The following MED13 variants were observed in gnomAD, a reference collection of about 807,000 sequenced individuals.
The protein encoded by MED13 is mediator complex subunit 13.
MED13 carries 23 observed loss-of-function variants against 225.2 expected under a neutral mutation model. The ratio of observed to expected loss-of-function variants is 0.10; its 90% confidence interval spans 0.07 to 0.14. The LOEUF is 0.14. Ranked by LOEUF, MED13 falls within the 10% of genes least tolerant of loss-of-function variation. The pLI, the probability that MED13 is intolerant of heterozygous loss-of-function variation, is 1.00. For missense variants in MED13, 2,197 were observed against 2,594.5 expected (o/e 0.85, Z 3.33); for synonymous variants, 942 against 889.2 (o/e 1.06, Z -1.06).
intron 11 of MED13, among the ~76,000 whole-genome samples, chr17:61,992,097 A>T (rs1033944249): frequency 1.1e-4 from 16 of 152,218 alleles, no homozygotes; most frequent in African/African-American, 3.9e-4. Context: ...ACTGTCAACC[A>T]ACTGGACATC....
intron 27 of MED13, among the ~76,000 whole-genome samples, chr17:61,951,283 A>G (rs2079894236): frequency 6.6e-6 from 1 of 152,208 alleles, no homozygotes; most frequent in Non-Finnish European, 1.5e-5. Flanking sequence ...ACAGATGAGT[A>G]AAAAATACAA....
chr17:62,037,454 C>T (rs1290120943), intron 3 of MED13, among the ~76,000 whole-genome samples: 1 of 151,712 alleles, frequency 6.6e-6, no homozygotes, highest in Non-Finnish European at 1.5e-5. Context: ...CACCTGAGGT[C>T]AGGAGTTTGA....
intron 8 of MED13, among the ~76,000 whole-genome samples, chr17:62,024,529 A>T (rs2080680768): frequency 6.6e-6 from 1 of 152,022 alleles, no homozygotes; most frequent in Non-Finnish European, 1.5e-5. Context: ...AGAAAATCCT[A>T]ATTTATTTTT....
In MED13 at chr17:61,943,086, A is replaced by G. The variant is rs1027086460; in HGVS notation, c.*3382T>C. On this transcript the variant is annotated 3_prime_UTR_variant, in exon 30 of 30. Transcript: ENST00000397786. ...AAATTTAAACCACAGTTCTGGGCCCATTAAAACACCAAAAAAGACCCCCCA... is the reference window on the plus strand; with the variant it reads ...AAATTTAAACCACAGTTCTGGGCCCGTTAAAACACCAAAAAAGACCCCCCA... The G allele has an allele frequency of 3.9e-5, 6 of 152,550 alleles. No individual in the cohort carries two copies. The highest frequency in any genetic ancestry group is 1.4e-4 in the African/African-American group (6 of 41,470). 9.4% of individuals were successfully genotyped at this position (152,550 alleles called of 1,614,324 possible). A position where few individuals can be genotyped will look rare whatever the true frequency, so the allele number is the denominator to read the frequency against.
intron 2 of MED13, among the ~76,000 whole-genome samples, chr17:62,059,720 G>T (rs2081023079): frequency 6.6e-6 from 1 of 152,172 alleles, no homozygotes; most frequent in Non-Finnish European, 1.5e-5. Context: ...CCCCAAGAGG[G>T]AGGTAGACGC....
intron 16 of MED13, among the ~76,000 whole-genome samples, 185 bp from the exon 17 acceptor site, chr17:61,973,073 T>G (rs72843772): frequency 0.067 from 10,246 of 152,302 alleles, 595 homozygotes; most frequent in South Asian, 0.31. Context: ...TTCTTCTAGA[T>G]TCTTACAACC....
chr17:62,033,477 C>G (rs1438804114), intron 5 of MED13, among the ~76,000 whole-genome samples: 2 of 152,214 alleles, frequency 1.3e-5, no homozygotes, highest in Non-Finnish European at 2.9e-5. Context: ...ATGTAACATA[C>G]ACCATATCCC....
rs201205350 is a variant in MED13 at position 61,982,659 on chromosome 17, G to A, written c.3344C>T (p.Thr1115Met). 1.2e-4 allele frequency: 186 copies of A among 1,614,080 alleles called. No homozygotes were observed. The highest frequency in any genetic ancestry group is 3.3e-4 in the Middle Eastern group (2 of 6,062). The change falls in exon 16 of 30, where the codon ACG (threonine) becomes ATG (methionine). Residue 1115 changes from threonine to methionine, a missense_variant. Thr to Met is a moderately conservative substitution (Grantham distance 81). Coordinates refer to ENST00000397786, the MANE Select transcript of MED13 (RefSeq NM_005121.3). The stretch of plus-strand genomic sequence containing the variant: ...GGTACACCTATATTGTGCTTCCTGC[G>A]TTGGATCTGGAATGTAAACTCCAAC... ...ADVGVYIPDP[T>M]QEAQYRCTCG...
intron 3 of MED13, among the ~76,000 whole-genome samples, chr17:62,040,614 T>C (rs747524977): frequency 2.6e-5 from 4 of 152,108 alleles, no homozygotes; most frequent in Non-Finnish European, 5.9e-5. Context: ...CAGTAGAGAA[T>C]CCGAGGCACA....
intron 4 of MED13, among the ~76,000 whole-genome samples, chr17:62,034,256 G>A (rs1338820161): frequency 3.3e-5 from 5 of 151,184 alleles, no homozygotes; most frequent in Non-Finnish European, 5.9e-5. Flanking sequence ...AGGCTGAGGC[G>A]GGTGGATCAC....
intron 16 of MED13, among the ~76,000 whole-genome samples, chr17:61,977,283 A>G (rs977936314): frequency 2.0e-5 from 3 of 152,194 alleles, no homozygotes; most frequent in Non-Finnish European, 4.4e-5. Flanking sequence ...TGAGAAGATG[A>G]TATCTGACAA....
intron 17 of MED13, among the ~76,000 whole-genome samples, chr17:61,972,412 T>A (rs528385079): frequency 6.6e-6 from 1 of 152,104 alleles, no homozygotes; most frequent in Admixed American, 6.6e-5. Context: ...GTAAAATAAA[T>A]AACAAAAGTA....
chr17:62,058,700 G>T (rs890980074), intron 2 of MED13, among the ~76,000 whole-genome samples: 2 of 152,080 alleles, frequency 1.3e-5, no homozygotes, highest in Non-Finnish European at 2.9e-5. Flanking sequence ...GAATTCAAGA[G>T]ATTTTTTGAA....
In MED13 at chr17:62,020,834, G is replaced by A. The variant is rs1200909111; in HGVS notation, c.1283+8707C>T. 9.2e-5 allele frequency among the ~76,000 whole-genome samples: 14 copies of A among 152,002 alleles called. No individual in the cohort carries two copies. In the East Asian group the frequency reaches 1.2e-3, roughly 13 times the overall value. ...GGTTTTCCTAGGCAGAGGACCCTGC[G>A]GCCTTCCTCAGTGTTTGTGTCCCTG... is the stretch of plus-strand genomic sequence containing the variant. On this transcript the variant is annotated intron_variant, in intron 8 of 29. Transcript: ENST00000397786.
chr17:62,020,685 CT>C (rs78598460), intron 8 of MED13, among the ~76,000 whole-genome samples: 290 of 100,778 alleles, frequency 2.9e-3, no homozygotes, highest in African/African-American at 4.2e-3. Flanking sequence ...GGCCTGCTTT[CT>C]TTTTTTTTTT....
chr17:61,988,462 G>A lies in MED13; in HGVS notation c.2264-1334C>T, dbSNP rs534159180. 4.6e-5 allele frequency among the ~76,000 whole-genome samples: 7 copies of A among 152,284 alleles called. No individual in the cohort carries two copies. The South Asian group carries it at 1.4e-3, about 32-fold the overall frequency. ...AGTCCTCGTTTTCAGAAAGATAAAAGTCACTTCCCCAGTGTCTCTGGTGTG... is the reference window on the plus strand; with the variant it reads ...AGTCCTCGTTTTCAGAAAGATAAAAATCACTTCCCCAGTGTCTCTGGTGTG... On this transcript the variant is annotated intron_variant, in intron 11 of 29. Coordinates refer to ENST00000397786, the MANE Select transcript of MED13 (RefSeq NM_005121.3).
At chr17:62,047,679 C>T (rs1267961701) in intron 3 of MED13, among the ~76,000 whole-genome samples, 1 of 151,898 alleles carries the variant, frequency 6.6e-6, no homozygotes, top group African/African-American at 2.4e-5. Context: ...TATTAACAAA[C>T]CTGCACGTTC....
Position 62,040,295 on chromosome 17 carries a change from T to C in MED13, c.471-4687A>G, listed in dbSNP as rs573353396. On this transcript the variant is annotated intron_variant, in intron 3 of 29. Transcript: ENST00000397786. ...AAGTATTATTAGTTACTATAAAGGA[T>C]TGCAGAGAATACTGTTGCTCTCCAT... is the stretch of plus-strand genomic sequence containing the variant. 1.1e-4 allele frequency among the ~76,000 whole-genome samples: 16 copies of C among 152,260 alleles called. No individual in the cohort carries two copies. In the East Asian group the frequency reaches 1.2e-3, roughly 11 times the overall value.
In MED13 at chr17:61,966,551, A is replaced by G. The variant is rs2080059996; in HGVS notation, c.4292T>C (p.Val1431Ala). The G allele has an allele frequency of 6.2e-7, 1 of 1,613,980 alleles. No individual in the cohort carries two copies. The change falls in exon 19 of 30, where the codon GTA becomes GCA. Residue 1431 changes from valine (V) to alanine (A), a missense_variant. By Grantham distance (64) the Val-to-Ala change is moderately conservative. Around this residue, in one of 12 missense-constraint regions of MED13, gnomAD observed 457 missense variants for 442.2 expected, o/e 1.03. Transcript: ENST00000397786. ...AGCTGCCTGAGAAAACCATTCTGCT[A>G]CCAACTTTTCTGATAGTTTCTTTGA... ...TASKKLSEKL[V>A]AEWFSQAADG...
Sources: allele counts gnomAD v4.1 joint callset (sites outside exome capture counted in the v4.1 genomes callset), GRCh38; gene constraint gnomAD v4.1.1; regional missense constraint gnomAD v4.1.1; transcripts MANE v1.5; gene names NCBI Gene and HGNC (gene_info 2026-07-23, HGNC 2026-07-21).